The following PRSS3 variants were observed in gnomAD, a reference collection of about 807,000 sequenced individuals.
PRSS3 encodes trypsin-3.
Under a neutral mutation model 20.8 loss-of-function variants are expected in PRSS3, and 14 were observed. The observed-to-expected ratio is 0.67, with a 90% CI of 0.44 to 1.05. The LOEUF is 1.05. Among genes scored for constraint, PRSS3 ranks in the 50% least tolerant of loss-of-function variants. The pLI is 0.00. For missense variants in PRSS3, 237 were observed against 306.4 expected, an observed-to-expected ratio of 0.77 and a Z score of 1.69; for synonymous variants, 91 against 117.6, an observed-to-expected ratio of 0.77 and a Z score of 1.46.
intron 1 of PRSS3, among the ~76,000 whole-genome samples, chr9:33,777,884 A>G (rs1824010140): frequency 6.6e-6 from 1 of 152,196 alleles, no homozygotes; most frequent in Non-Finnish European, 1.5e-5. Flanking sequence ...TACAGTAAGT[A>G]GACAAATAGT....
chr9:33,785,160 ATTTT>A (rs74180504), intron 1 of PRSS3, among the ~76,000 whole-genome samples: 14 of 72,498 alleles, frequency 1.9e-4, no homozygotes, highest in South Asian at 1.4e-3. Context: ...ATTGTGGTCA[ATTTT>A]TTTTTTTTTT....
At chr9:33,791,879 G>A (rs1422269842), upstream of PRSS3, among the ~76,000 whole-genome samples, 1 of 152,172 alleles carries the variant, frequency 6.6e-6, no homozygotes, top group Non-Finnish European at 1.5e-5. Flanking sequence ...CATAAAACTT[G>A]CATGTCTTCC....
intron 1 of PRSS3, among the ~76,000 whole-genome samples, chr9:33,777,606 G>C (rs1221307015): frequency 6.6e-6 from 1 of 150,948 alleles, no homozygotes; most frequent in Non-Finnish European, 1.5e-5. Flanking sequence ...TACTCGGGAG[G>C]CTGAGGCAGG....
intron 1 of PRSS3, among the ~76,000 whole-genome samples, chr9:33,775,581 T>C (rs1364616450): frequency 6.6e-6 from 1 of 151,916 alleles, no homozygotes; most frequent in Non-Finnish European, 1.5e-5. Flanking sequence ...TCTATGCATA[T>C]ATAGAGAAGA....
chr9:33,799,197 G>T lies in PRSS3; in HGVS notation c.*17G>T, dbSNP rs780881790. The T allele has an allele frequency of 1.3e-5, 21 of 1,613,582 alleles. No homozygotes were observed. The highest frequency in any genetic ancestry group is 1.6e-4 in the Middle Eastern group (1 of 6,084). The stretch of plus-strand genomic sequence containing the variant: ...AACAGCTAAAGCCCCCGGTCCCTCT[G>T]CAGTCTCTATACCAATAAAGTGGCC... On this transcript the variant is annotated 3_prime_UTR_variant, in exon 5 of 5. Transcript: ENST00000379405.
At chr9:33,773,841 T>C (rs1358252503) in intron 1 of PRSS3, among the ~76,000 whole-genome samples, 1 of 152,162 alleles carries the variant, frequency 6.6e-6, no homozygotes, top group Non-Finnish European at 1.5e-5. Flanking sequence ...GGTCTCACTA[T>C]GTTGCCCAGA....
intron 1 of PRSS3, among the ~76,000 whole-genome samples, chr9:33,772,472 C>T (rs1224735722): frequency 1.3e-5 from 2 of 152,164 alleles, no homozygotes; most frequent in Admixed American, 1.3e-4. Context: ...TCAAGAATGA[C>T]CTAATGGCTT....
intron 1 of PRSS3, among the ~76,000 whole-genome samples, chr9:33,765,528 T>G (rs1823375894): frequency 6.6e-6 from 1 of 152,190 alleles, no homozygotes; most frequent in Non-Finnish European, 1.5e-5. Context: ...CTTTTTCATT[T>G]TGGAGCCATT....
chr9:33,792,590 T>C (rs567846921), upstream of PRSS3, among the ~76,000 whole-genome samples: 2 of 152,344 alleles, frequency 1.3e-5, no homozygotes, highest in East Asian at 3.9e-4. Context: ...GAATGCCCTA[T>C]GGCAGAGCAT....
At chr9:33,793,663 T>A, upstream of PRSS3, 1 of 975,690 alleles carries the variant, frequency 1.0e-6, no homozygotes, top group South Asian at 4.8e-5. Context: ...TCCTTTTAGA[T>A]GTCACCTGCA....
chr9:33,770,039 G>A (rs1348205804), intron 1 of PRSS3, among the ~76,000 whole-genome samples: 1 of 152,144 alleles, frequency 6.6e-6, no homozygotes, highest in Non-Finnish European at 1.5e-5. Flanking sequence ...CAGCTACTTG[G>A]GAGGCTGAGG....
At chr9:33,783,918 G>C (rs1477802395) in intron 1 of PRSS3, among the ~76,000 whole-genome samples, 2 of 151,434 alleles carry the variant, frequency 1.3e-5, no homozygotes, top group African/African-American at 4.8e-5. Flanking sequence ...GAAGGAGGAG[G>C]AGTCAGATTT....
chr9:33,753,082 C>T (rs1367309927), intron 1 of PRSS3, among the ~76,000 whole-genome samples: 2 of 152,220 alleles, frequency 1.3e-5, no homozygotes, highest in African/African-American at 4.8e-5. Context: ...ATGGCAGAGC[C>T]GGAGCTCAAA....
rs151192741 is a variant in PRSS3, at chr9:33,797,863, A to G, written c.235A>G (p.Lys79Glu). 3.2e-3 allele frequency: 4,232 copies of G among 1,337,824 alleles called. No individual in the cohort carries two copies. Among genetic ancestry groups the G allele is most frequent in the African/African-American group, 0.027 (1,298 of 47,666 alleles). The allele number at this position is 1,337,824 out of a possible 1,614,324, so 82.9% of individuals were successfully genotyped here. A position where few individuals can be genotyped will look rare whatever the true frequency, so the allele number is the denominator to read the frequency against. Residue 79 changes from lysine to glutamate, a missense_variant, in exon 3 of 5, where the codon AAA becomes GAA. Transcript: ENST00000379405. ...IQVRLGEHNI[K>E]VLEGNEQFIN... ...GGTGAGACTGGGAGAGCACAACATC[A>G]AAGTCCTGGAGGGGAATGAGCAGTT... is the stretch of plus-strand genomic sequence containing the variant.
intron 1 of PRSS3, among the ~76,000 whole-genome samples, chr9:33,766,250 C>A (rs1823408833): frequency 8.7e-6 from 1 of 114,836 alleles, no homozygotes; most frequent in African/African-American, 3.6e-5. Context: ...GGCAACAGAG[C>A]CAGATTCCGT....
intron 1 of PRSS3, among the ~76,000 whole-genome samples, chr9:33,773,103 C>A (rs1823777905): frequency 6.6e-6 from 1 of 152,208 alleles, no homozygotes; most frequent in Admixed American, 6.5e-5. Flanking sequence ...CTCTCTTCTT[C>A]TGTGCCTCTG....
At chr9:33,771,112 C>T (rs931331258) in intron 1 of PRSS3, among the ~76,000 whole-genome samples, 3 of 151,996 alleles carry the variant, frequency 2.0e-5, no homozygotes, top group African/African-American at 7.2e-5. Context: ...TGAGATCCTG[C>T]TCTCACCCAG....
chr9:33,766,432 G>T (rs1048891048), intron 1 of PRSS3, among the ~76,000 whole-genome samples: 3 of 151,862 alleles, frequency 2.0e-5, no homozygotes, highest in African/African-American at 4.8e-5. Context: ...AATTAGCCGG[G>T]CATGGTGGCA....
chr9:33,788,746 T>A (rs1294307051), intron 1 of PRSS3, among the ~76,000 whole-genome samples: 2 of 152,218 alleles, frequency 1.3e-5, no homozygotes, highest in African/African-American at 2.4e-5. Context: ...GTTGTCCATA[T>A]TTTATTGAAG....
Sources: gnomAD v4.1 joint callset for allele counts (sites outside exome capture counted in the v4.1 genomes callset) on GRCh38, gnomAD v4.1.1 for gene constraint, MANE v1.5 for transcripts, NCBI Gene and HGNC (gene_info 2026-07-23, HGNC 2026-07-21) for gene names.